FBXW2: variants seen among roughly 807,000 people sequenced by gnomAD.
FBXW2 encodes F-box/WD repeat-containing protein 2.
In FBXW2, 12 loss-of-function variants were observed where a neutral mutation model predicts 46.0. That is an observed-to-expected ratio of 0.26 (90% CI 0.17 to 0.42). The LOEUF (loss-of-function observed/expected upper bound fraction) is 0.42, where lower values mean the gene tolerates loss of function less well. Among genes scored for constraint, FBXW2 ranks in the 10% least tolerant of loss-of-function variants. The probability of loss-of-function intolerance (pLI) is 1.00; values close to 1 mark genes in which losing one functional copy is unlikely to be tolerated. For synonymous variants in FBXW2, 203 were observed against 209.6 expected, an observed-to-expected ratio of 0.97 and a Z score of 0.27; for missense variants, 360 against 537.0, an observed-to-expected ratio of 0.67 and a Z score of 3.26.
intron 2 of FBXW2, among the ~76,000 whole-genome samples, chr9:120,789,187 T>C (rs1445605469): frequency 6.6e-6 from 1 of 152,188 alleles, no homozygotes; most frequent in Non-Finnish European, 1.5e-5. Context: ...GGCTACTAAA[T>C]AGCCACAGAA....
intron 3 of FBXW2, among the ~76,000 whole-genome samples, chr9:120,787,172 G>A (rs2044740217): frequency 6.6e-6 from 1 of 152,186 alleles, no homozygotes; most frequent in Admixed American, 6.5e-5. Context: ...GGGATTATAG[G>A]CGCATGCCGC....
rs781636186 is a variant in FBXW2, at chr9:120,761,756, GC to G, written c.*2802del. 3.3e-5 allele frequency: 5 copies of G among 151,954 alleles called. No individual in the cohort carries two copies. The highest frequency in any genetic ancestry group is 7.4e-5 in the Non-Finnish European group (5 of 68,002). The allele number at this position is 151,954 out of a possible 1,614,324, so 9.4% of individuals were successfully genotyped here. Reference sequence around the variant, plus strand: ...CCTGAAGTTCTGCTGTCAAAATCCAGCTGCATGATGATGCCACTGTACTCCA... The same window carrying G: ...CCTGAAGTTCTGCTGTCAAAATCCAGTGCATGATGATGCCACTGTACTCCA... On this transcript the variant is annotated 3_prime_UTR_variant, in exon 8 of 8. Coordinates refer to ENST00000608872, the MANE Select transcript of FBXW2 (RefSeq NM_012164.4).
chr9:120,767,922 C>G (rs1312259011), intron 7 of FBXW2, among the ~76,000 whole-genome samples: 1 of 152,208 alleles, frequency 6.6e-6, no homozygotes, highest in Non-Finnish European at 1.5e-5. Flanking sequence ...TTTGCCTGCA[C>G]TATTGCCAAC....
At position 120,775,827 on chromosome 9, in the gene FBXW2, ATTT is replaced by A. The variant is rs568131736; in HGVS notation, c.819+263_819+265del. Among the ~76,000 whole-genome samples the A allele has an allele frequency of 4.6e-5, 7 of 152,156 alleles. No homozygotes were observed. In the South Asian group the frequency reaches 1.5e-3, roughly 32 times the overall value. Reference sequence around the variant, plus strand: ...CAGAAACCGGTATCACACTCTACATATTTTTTTGTATGTAATCTGTTTTATTTG... The same window carrying A: ...CAGAAACCGGTATCACACTCTACATATTTTGTATGTAATCTGTTTTATTTG... On this transcript the variant is annotated intron_variant, in intron 5 of 7. Transcript: ENST00000608872.
rs1392613006 is a variant in FBXW2, at chr9:120,763,124, TG to T, written c.*1434del. The T allele has an allele frequency of 6.6e-6, 1 of 152,250 alleles. No individual in the cohort carries two copies. The highest frequency in any genetic ancestry group is 2.4e-5 in the African/African-American group (1 of 41,462). The allele number at this position is 152,250 out of a possible 1,614,324, so 9.4% of individuals were successfully genotyped here. ...AAATCCAGGATTTCAAATAAAAATC[TG>T]GATTTCTAGCTCCTCCTGAAACAAT... is the stretch of plus-strand genomic sequence containing the variant. On this transcript the variant is annotated 3_prime_UTR_variant, in exon 8 of 8. Coordinates refer to ENST00000608872, the MANE Select transcript of FBXW2 (RefSeq NM_012164.4).
chr9:120,770,037 A>G (rs550619412), intron 7 of FBXW2, among the ~76,000 whole-genome samples: 2 of 152,264 alleles, frequency 1.3e-5, no homozygotes, highest in Admixed American at 1.3e-4. Context: ...TTTTGTGGTT[A>G]TTGTGATCAG....
At position 120,770,554 on chromosome 9, in the gene FBXW2, CTTA is replaced by C. The variant is rs559894553; in HGVS notation, c.1076+791_1076+793del. ...GTTTCTTTACATGGGTCCTCTCAGA[CTTA>C]TTATTAATAAAGATCTGCCAGGTGG... On this transcript the variant is annotated intron_variant, in intron 7 of 7. Transcript: ENST00000608872. 6.6e-5 allele frequency among the ~76,000 whole-genome samples: 10 copies of C among 152,244 alleles called. No homozygotes were observed. The East Asian group carries it at 1.9e-3, about 29-fold the overall frequency.
At chr9:120,786,018 CAAAAAAAAAA>C (rs3047150) in intron 3 of FBXW2, among the ~76,000 whole-genome samples, 4 of 40,548 alleles carry the variant, frequency 9.9e-5, no homozygotes, top group African/African-American at 1.8e-4. Context: ...GACTCCATCT[CAAAAAAAAAA>C]AAAAAAAAAA....
intron 2 of FBXW2, chr9:120,792,321 G>T (rs2044862306): frequency 6.6e-6 from 1 of 151,570 alleles, no homozygotes; most frequent in African/African-American, 2.4e-5. Context: ...AGTGGTAGAG[G>T]GAAGGAGGCT....
chr9:120,783,048 T>C (rs574982227), intron 3 of FBXW2, among the ~76,000 whole-genome samples: 1 of 152,280 alleles, frequency 6.6e-6, no homozygotes, highest in African/African-American at 2.4e-5. Flanking sequence ...CTCAACTGTA[T>C]GCTTTAAAAT....
intron 4 of FBXW2, 72 bp downstream of exon 4, chr9:120,778,279 T>C (rs1235438002): frequency 7.6e-7 from 1 of 1,315,890 alleles, no homozygotes; most frequent in Non-Finnish European, 1.0e-6. Flanking sequence ...AAAAAAAGCA[T>C]TTCACATTCT....
At chr9:120,792,546 T>C (rs535741519) in intron 2 of FBXW2, 4 of 184,082 alleles carry the variant, frequency 2.2e-5, no homozygotes, top group Admixed American at 6.0e-5. Flanking sequence ...AAGTATAATA[T>C]ACTATCAAAA....
At chr9:120,768,699 T>A in intron 7 of FBXW2, among the ~76,000 whole-genome samples, 1 of 152,012 alleles carries the variant, frequency 6.6e-6, no homozygotes. Context: ...GCAGGTGCCT[T>A]TAATTCCAGC....
intron 5 of FBXW2, among the ~76,000 whole-genome samples, chr9:120,774,829 A>G (rs1167901557): frequency 6.6e-6 from 1 of 152,174 alleles, no homozygotes; most frequent in Non-Finnish European, 1.5e-5. Context: ...CTGTGGCCTT[A>G]TAAATCATAC....
chr9:120,791,151 G>GT (rs1386131401), intron 2 of FBXW2, among the ~76,000 whole-genome samples: 1 of 152,122 alleles, frequency 6.6e-6, no homozygotes, highest in African/African-American at 2.4e-5. Context: ...GCCTTCTAAG[G>GT]TAACAGGTCT....
Position 120,788,087 on chromosome 9 carries a change from T to G in FBXW2, c.172A>C (p.Lys58Gln). 6.2e-7 allele frequency: 1 copy of G among 1,614,174 alleles called. No individual in the cohort carries two copies. Among genetic ancestry groups the G allele is most frequent in the Non-Finnish European group, 8.5e-7 (1 of 1,180,016 alleles). The change falls in exon 3 of 8, where the codon AAA becomes CAA. Residue 58 changes from lysine to glutamine, a missense_variant. By Grantham distance (53) the Lys-to-Gln change is moderately conservative. Transcript: ENST00000608872. ...LETLLKRDFL[K>Q]LLPLELSFYL... ...AAACTGAGCTCCAGGGGAAGGAGTT[T>G]GAGGAAGTCCCGCTTGAGGAGAGTC...
intron 3 of FBXW2, among the ~76,000 whole-genome samples, chr9:120,781,839 G>A (rs867616072): frequency 2.6e-5 from 4 of 151,096 alleles, no homozygotes; most frequent in East Asian, 3.9e-4. Flanking sequence ...CCTTACCAAC[G>A]TGGAGAAATC....
chr9:120,777,123 C>T (rs563957546), intron 4 of FBXW2, among the ~76,000 whole-genome samples: 1 of 152,260 alleles, frequency 6.6e-6, no homozygotes, highest in Non-Finnish European at 1.5e-5. Flanking sequence ...AATGTCTAGG[C>T]AACAGTAATA....
chr9:120,790,807 C>T (rs948479498), intron 2 of FBXW2, among the ~76,000 whole-genome samples: 7 of 151,990 alleles, frequency 4.6e-5, no homozygotes, highest in Non-Finnish European at 7.4e-5. Context: ...GCACATGTAC[C>T]CTAGAACTTA....
Sources: allele counts gnomAD v4.1 joint callset (sites outside exome capture counted in the v4.1 genomes callset), GRCh38; gene constraint gnomAD v4.1.1; transcripts MANE v1.5; gene names NCBI Gene and HGNC (gene_info 2026-07-23, HGNC 2026-07-21).